The following COL25A1 variants were observed in gnomAD, a reference collection of about 807,000 sequenced individuals.
The protein encoded by COL25A1 is collagen type XXV alpha 1 chain, also known as collagen alpha-1(XXV) chain.
In COL25A1, 103 loss-of-function variants were observed where a neutral mutation model predicts 128.4. That is an observed-to-expected ratio of 0.80 (90% CI 0.68 to 0.94). The LOEUF is 0.94. Among genes scored for constraint, COL25A1 ranks in the 40% least tolerant of loss-of-function variants. COL25A1 has a pLI of 0.00. For synonymous variants in COL25A1, 279 were observed against 277.2 expected, an observed-to-expected ratio of 1.01 and a Z score of -0.06; for missense variants, 745 against 840.0, an observed-to-expected ratio of 0.89 and a Z score of 1.40.
intron 12 of COL25A1, among the ~76,000 whole-genome samples, chr4:108,918,740 A>G (rs561272121): frequency 2.0e-5 from 3 of 152,386 alleles, no homozygotes; most frequent in African/African-American, 7.2e-5. Context: ...ATGAATGTGA[A>G]TATGTCTTCC....
Position 109,100,418 on chromosome 4 carries a change from A to G in COL25A1, c.368-50239T>C, listed in dbSNP as rs547384966. On this transcript the variant is annotated intron_variant, in intron 3 of 37. Transcript: ENST00000399132. ...TAAAATATAAGCCCATTTTTGTGAG[A>G]AAAAAAAAAAAAGACTGGAAACATA... 5.9e-4 allele frequency among the ~76,000 whole-genome samples: 51 copies of G among 86,896 alleles called. No homozygotes were observed. The South Asian group carries it at 7.7e-3, about 13-fold the overall frequency. The allele number at this position is 86,896 out of a possible 152,430, so 57.0% of individuals were successfully genotyped here.
At chr4:109,052,937 G>C (rs367831355) in intron 3 of COL25A1, among the ~76,000 whole-genome samples, 1 of 152,140 alleles carries the variant, frequency 6.6e-6, no homozygotes, top group East Asian at 1.9e-4. Context: ...ACAGAAGCTG[G>C]AACATGGCTC....
chr4:109,148,121 T>C (rs538056759), intron 3 of COL25A1, among the ~76,000 whole-genome samples: 10 of 152,278 alleles, frequency 6.6e-5, no homozygotes, highest in African/African-American at 2.4e-4. Context: ...TATAAAGAAC[T>C]TGAATTTCAT....
At chr4:108,894,288 T>TA (rs1741878923) in intron 16 of COL25A1, among the ~76,000 whole-genome samples, 1 of 152,154 alleles carries the variant, frequency 6.6e-6, no homozygotes, top group Non-Finnish European at 1.5e-5. Context: ...AATGAAACTT[T>TA]AAAAAGACAT....
rs541089299 is a variant in COL25A1, at chr4:108,826,870, C to T, written c.1764+265G>A. ...CTTCTGACAGTTAGGATCCTGTTCT[C>T]GAGTTAATACTTTATTCTAGAGACA... On this transcript the variant is annotated intron_variant, in intron 33 of 37. Coordinates refer to ENST00000399132, the MANE Select transcript of COL25A1 (RefSeq NM_198721.4). Among the ~76,000 whole-genome samples the T allele has an allele frequency of 8.5e-5, 13 of 152,100 alleles. No homozygotes were observed. In the East Asian group the frequency reaches 1.4e-3, roughly 16 times the overall value.
In COL25A1 at chr4:109,255,766, G is replaced by A. The variant is rs182590173; in HGVS notation, c.367+44817C>T. Reference sequence around the variant, plus strand: ...CGCTTAGTAATTTCATAATATTGATGCTTTCTGACAATCTCATCTATATTT... The same window carrying A: ...CGCTTAGTAATTTCATAATATTGATACTTTCTGACAATCTCATCTATATTT... On this transcript the variant is annotated intron_variant, in intron 3 of 37. Transcript: ENST00000399132. Among the ~76,000 whole-genome samples, 12 of 152,218 alleles carry A rather than the reference G, an allele frequency of 7.9e-5. No homozygotes were observed. The East Asian group carries it at 2.3e-3, about 29-fold the overall frequency.
At position 108,863,427 on chromosome 4, in the gene COL25A1, C is replaced by T. The variant is rs376632978; in HGVS notation, c.1084-40G>A. The T allele has an allele frequency of 4.2e-4, 651 of 1,552,522 alleles. 7 individuals carry two copies. In the South Asian group the frequency reaches 7.1e-3, roughly 17 times the overall value. On this transcript the variant is annotated intron_variant, in intron 20 of 37. Transcript: ENST00000399132. ...AAAACAGGTAAATGGTCATTCCCCC[C>T]ACCCAGGCTGGTCCCTGTAGATTAA...
Position 109,024,428 on chromosome 4 carries a change from A to G in COL25A1, c.421-14053T>C, listed in dbSNP as rs189843535. 2.4e-3 allele frequency among the ~76,000 whole-genome samples: 360 copies of G among 152,084 alleles called. 1 individual carries two copies. The highest frequency in any genetic ancestry group is 7.7e-3 in the African/African-American group (319 of 41,534). ...CAGATTATATATTTTCTAGGACATA[A>G]TTTTTGTGTATATACATATTTATTC... On this transcript the variant is annotated intron_variant, in intron 5 of 37. Transcript: ENST00000399132.
intron 3 of COL25A1, among the ~76,000 whole-genome samples, chr4:109,219,486 T>A (rs537454512): frequency 6.6e-6 from 1 of 152,238 alleles, no homozygotes; most frequent in African/African-American, 2.4e-5. Context: ...TCCTTGCTTC[T>A]TCCTCTGGTT....
rs548521798 is a variant in COL25A1, at chr4:108,861,012, G to C, written c.1198-41C>G. The C allele has an allele frequency of 1.9e-6, 3 of 1,559,346 alleles. No homozygotes were observed. In the African/African-American group the frequency reaches 4.1e-5, roughly 21 times the overall value. ...AGAGAAAAAACTTAATCAGAAGTGG[G>C]GGAATCTAGAAATCTCGTGTAAGAA... On this transcript the variant is annotated intron_variant, in intron 22 of 37. Coordinates refer to ENST00000399132, the MANE Select transcript of COL25A1 (RefSeq NM_198721.4).
intron 5 of COL25A1, among the ~76,000 whole-genome samples, chr4:109,042,278 A>C (rs995128590): frequency 1.3e-5 from 2 of 152,110 alleles, no homozygotes; most frequent in African/African-American, 4.8e-5. Flanking sequence ...AAGACATGAA[A>C]AGACACTAGA....
intron 5 of COL25A1, among the ~76,000 whole-genome samples, chr4:109,041,294 G>T (rs1158379432): frequency 3.3e-5 from 5 of 152,002 alleles, no homozygotes; most frequent in Non-Finnish European, 7.4e-5. Context: ...TAATCTGGAA[G>T]GCCTGGGTCT....
intron 12 of COL25A1, 43 bp downstream of exon 12, chr4:108,920,535 T>G (rs1745375949): frequency 1.3e-6 from 2 of 1,522,852 alleles, no homozygotes; most frequent in South Asian, 1.2e-5. Context: ...CATTAGGTCA[T>G]GAGAGCATAA....
At chr4:109,173,250 T>G (rs1403897547) in intron 3 of COL25A1, among the ~76,000 whole-genome samples, 1 of 151,744 alleles carries the variant, frequency 6.6e-6, no homozygotes, top group Non-Finnish European at 1.5e-5. Flanking sequence ...CACATCCAGC[T>G]AATTTAAAAA....
At chr4:108,905,557 A>G (rs1743384821) in intron 13 of COL25A1, among the ~76,000 whole-genome samples, 2 of 150,674 alleles carry the variant, frequency 1.3e-5, no homozygotes, top group East Asian at 1.9e-4. Context: ...TAATAATATT[A>G]CTTGTTTCTT....
intron 24 of COL25A1, among the ~76,000 whole-genome samples, chr4:108,858,802 T>C (rs1341790466): frequency 6.6e-6 from 1 of 151,758 alleles, no homozygotes; most frequent in Non-Finnish European, 1.5e-5. Flanking sequence ...ATAAAGGTGA[T>C]ACGCCAGAGA....
At chr4:109,250,559 T>C (rs1414402229) in intron 3 of COL25A1, among the ~76,000 whole-genome samples, 2 of 152,194 alleles carry the variant, frequency 1.3e-5, no homozygotes, top group Non-Finnish European at 2.9e-5. Context: ...GCCAATGGTG[T>C]GAGTTCCAGT....
intron 3 of COL25A1, among the ~76,000 whole-genome samples, chr4:109,144,192 C>T (rs1260273759): frequency 6.6e-6 from 1 of 152,180 alleles, no homozygotes; most frequent in African/African-American, 2.4e-5. Context: ...AGGTCCATTC[C>T]CAACCCTGTT....
intron 3 of COL25A1, among the ~76,000 whole-genome samples, chr4:109,181,506 G>A (rs945545108): frequency 6.6e-6 from 1 of 152,006 alleles, no homozygotes; most frequent in Non-Finnish European, 1.5e-5. Context: ...ATATTGCTGT[G>A]TATCTTTTGA....
Sources: gnomAD v4.1 joint callset for allele counts (sites outside exome capture counted in the v4.1 genomes callset) on GRCh38, gnomAD v4.1.1 for gene constraint, MANE v1.5 for transcripts, NCBI Gene and HGNC (gene_info 2026-07-23, HGNC 2026-07-21) for gene names.